The following FAM227B variants were observed in gnomAD, a reference collection of about 807,000 sequenced individuals.
The protein encoded by FAM227B is protein FAM227B.
A neutral mutation model predicts 73.8 loss-of-function variants in FAM227B; 88 were observed. The ratio of observed to expected loss-of-function variants is 1.19; its 90% CI spans 1.00 to 1.42. The LOEUF is 1.42. FAM227B is among the 40% of genes most tolerant of loss of function. The probability of loss-of-function intolerance (pLI) is 0.00; values close to 1 mark genes in which losing one functional copy is unlikely to be tolerated. For synonymous variants in FAM227B, 210 were observed against 190.5 expected (o/e 1.10, Z -0.84); for missense variants, 632 against 590.9 (o/e 1.07, Z -0.72).
intron 11 of FAM227B, among the ~76,000 whole-genome samples, chr15:49,418,781 T>TA (rs1644743652): frequency 6.7e-6 from 1 of 148,214 alleles, no homozygotes; most frequent in Admixed American, 6.7e-5. Context: ...ACCTAAAAGA[T>TA]CAAAAAAAGA....
intron 11 of FAM227B, among the ~76,000 whole-genome samples, chr15:49,380,956 CAT>C (rs1425634810): frequency 1.3e-5 from 2 of 152,150 alleles, no homozygotes; most frequent in Non-Finnish European, 2.9e-5. Flanking sequence ...GTACAAGAAA[CAT>C]AGTGCCAGCA....
chr15:49,455,139 T>C (rs190994061), intron 11 of FAM227B, among the ~76,000 whole-genome samples: 24 of 152,298 alleles, frequency 1.6e-4, no homozygotes, highest in Admixed American at 1.3e-3. Flanking sequence ...ATCTCTGCTG[T>C]TAATTGGCGT....
intron 11 of FAM227B, among the ~76,000 whole-genome samples, chr15:49,381,511 T>C (rs1433998899): frequency 6.6e-6 from 1 of 152,224 alleles, no homozygotes; most frequent in Non-Finnish European, 1.5e-5. Context: ...GCTACCTTTA[T>C]ATTTCTTCTC....
intron 5 of FAM227B, among the ~76,000 whole-genome samples, chr15:49,581,586 G>T (rs1290575349): frequency 6.6e-6 from 1 of 151,890 alleles, no homozygotes; most frequent in East Asian, 1.9e-4. Flanking sequence ...CCAAAGTGCT[G>T]GATTACAGGC....
chr15:49,482,557 C>T (rs12437460), intron 11 of FAM227B, among the ~76,000 whole-genome samples: 49,278 of 151,628 alleles, frequency 0.32, 8,721 homozygotes, highest in African/African-American at 0.45. Context: ...TATTCAAGAG[C>T]TATTCTGTTG....
At chr15:49,436,441 G>A (rs890660705) in intron 11 of FAM227B, among the ~76,000 whole-genome samples, 1 of 151,524 alleles carries the variant, frequency 6.6e-6, no homozygotes, top group Non-Finnish European at 1.5e-5. Context: ...CTAAAAGACT[G>A]TGTAGAGGAA....
intron 11 of FAM227B, among the ~76,000 whole-genome samples, chr15:49,447,232 G>T (rs1431931984): frequency 6.6e-6 from 1 of 151,554 alleles, no homozygotes; most frequent in African/African-American, 2.4e-5. Flanking sequence ...GCACTATATT[G>T]TTATTTCTTT....
chr15:49,597,332 T>C (rs1328841054), intron 3 of FAM227B, among the ~76,000 whole-genome samples: 1 of 151,888 alleles, frequency 6.6e-6, no homozygotes. Context: ...CTTAAAACCA[T>C]GCAAATACCT....
In FAM227B at chr15:49,468,891, C is replaced by T. The variant is rs1186523935; in HGVS notation, c.1012+39320G>A. ...GAACAAGTTTATTTCAACTTCAGTGCTCATAATTTGGGCTTTTTCTATTTC... is the reference window on the plus strand; with the variant it reads ...GAACAAGTTTATTTCAACTTCAGTGTTCATAATTTGGGCTTTTTCTATTTC... On this transcript the variant is annotated intron_variant, in intron 11 of 15. Coordinates refer to ENST00000299338, the MANE Select transcript of FAM227B (RefSeq NM_152647.3). 2.6e-5 allele frequency among the ~76,000 whole-genome samples: 4 copies of T among 152,072 alleles called. No homozygotes were observed. In the South Asian group the frequency reaches 6.2e-4, roughly 24 times the overall value.
intron 11 of FAM227B, among the ~76,000 whole-genome samples, chr15:49,466,436 A>G (rs929354247): frequency 2.0e-5 from 3 of 152,218 alleles, no homozygotes; most frequent in Non-Finnish European, 4.4e-5. Context: ...TCTAAGTTGT[A>G]GAAGAAAAAT....
chr15:49,422,145 A>AGAGAGAGT (rs757128514), intron 11 of FAM227B, among the ~76,000 whole-genome samples: 20 of 139,918 alleles, frequency 1.4e-4, no homozygotes, highest in African/African-American at 5.1e-4. Flanking sequence ...AGAGAGAGAG[A>AGAGAGAGT]GTGTGTGTGT....
Position 49,423,728 on chromosome 15 carries a change from A to G in FAM227B, c.1013-52329T>C, listed in dbSNP as rs143770842. ...GAGAAAGCAGTTACACTTTGTTAGC[A>G]GTAATTGTAAAAACTTAATTTAAAT... On this transcript the variant is annotated intron_variant, in intron 11 of 15. Transcript: ENST00000299338. 6.0e-3 allele frequency among the ~76,000 whole-genome samples: 915 copies of G among 152,314 alleles called. 8 individuals are homozygous for G. Among genetic ancestry groups the G allele is most frequent in the Middle Eastern group, 0.031 (9 of 294 alleles).
chr15:49,519,794 A>G (rs2202714), intron 10 of FAM227B, among the ~76,000 whole-genome samples: 66,067 of 151,912 alleles, frequency 0.43, 14,978 homozygotes, highest in East Asian at 0.74. Context: ...CCATTGTCTT[A>G]GCAATTAACA....
chr15:49,587,527 G>A (rs1023827337), intron 5 of FAM227B, among the ~76,000 whole-genome samples: 1 of 152,046 alleles, frequency 6.6e-6, no homozygotes, highest in Non-Finnish European at 1.5e-5. Context: ...GAGGTGGCTA[G>A]ACTAATGGTG....
intron 10 of FAM227B, among the ~76,000 whole-genome samples, chr15:49,525,711 T>TATATACATACATAC (rs1567487539): frequency 1.6e-5 from 1 of 63,168 alleles, no homozygotes; most frequent in African/African-American, 5.2e-5. Flanking sequence ...TATATATATA[T>TATATACATACATAC]ATATATATCA....
chr15:49,587,539 T>C (rs982519236), intron 5 of FAM227B, among the ~76,000 whole-genome samples: 1 of 152,166 alleles, frequency 6.6e-6, no homozygotes, highest in African/African-American at 2.4e-5. Context: ...CTAATGGTGA[T>C]ACAAAGTTTT....
intron 15 of FAM227B, chr15:49,331,279 C>A (rs978070062): frequency 1.9e-5 from 3 of 153,908 alleles, no homozygotes; most frequent in African/African-American, 7.2e-5. Flanking sequence ...AACAAGAATG[C>A]CCATAAGTAA....
intron 11 of FAM227B, among the ~76,000 whole-genome samples, chr15:49,426,745 A>C (rs564128572): frequency 1.3e-5 from 2 of 152,070 alleles, no homozygotes; most frequent in African/African-American, 4.8e-5. Flanking sequence ...AAGTCGCCCT[A>C]TATTGTTATA....
chr15:49,451,604 G>A (rs907947808), intron 11 of FAM227B, among the ~76,000 whole-genome samples: 6 of 151,506 alleles, frequency 4.0e-5, no homozygotes, highest in Non-Finnish European at 8.8e-5. Context: ...TAAATGTACT[G>A]ACTACACATT....
Sources: gnomAD v4.1 joint callset for allele counts (sites outside exome capture counted in the v4.1 genomes callset) on GRCh38, gnomAD v4.1.1 for gene constraint, MANE v1.5 for transcripts, NCBI Gene and HGNC (gene_info 2026-07-23, HGNC 2026-07-21) for gene names.